DIAPH2: variants seen among roughly 807,000 people sequenced by gnomAD.
DIAPH2 encodes the protein diaphanous related formin 2.
A neutral mutation model predicts 92.7 loss-of-function variants in DIAPH2; 35 were observed. The ratio of observed to expected loss-of-function variants is 0.38; its 90% CI spans 0.29 to 0.50. The LOEUF (loss-of-function observed/expected upper bound fraction) is 0.50, where lower values mean the gene tolerates loss of function less well. Among genes scored for constraint, DIAPH2 ranks in the 20% least tolerant of loss-of-function variants. DIAPH2 has a pLI of 0.94. For synonymous variants in DIAPH2, 301 were observed against 280.4 expected, an observed-to-expected ratio of 1.07 and a Z score of -0.73; for missense variants, 701 against 819.5, an observed-to-expected ratio of 0.86 and a Z score of 1.77.
At chrX:97,086,042 T>A (rs2066780607) in intron 19 of DIAPH2, among the ~76,000 whole-genome samples, 1 of 111,521 alleles carries the variant, frequency 9.0e-6, no homozygotes, top group African/African-American at 3.3e-5. Context: ...AGCATATGGG[T>A]GAAAGCCAAT....
At chrX:96,816,974 A>C (rs764241862) in intron 4 of DIAPH2, among the ~76,000 whole-genome samples, 1 of 112,045 alleles carries the variant, frequency 8.9e-6, no homozygotes, top group South Asian at 3.8e-4. Flanking sequence ...AGCCAGGCAC[A>C]GATAGACAAA....
intron 24 of DIAPH2, among the ~76,000 whole-genome samples, chrX:97,371,259 A>T (rs1027370292): frequency 9.8e-5 from 11 of 111,704 alleles, no homozygotes; most frequent in African/African-American, 3.6e-4. Context: ...AAGTCCCAAC[A>T]GTTTTTCTCA....
At chrX:96,845,115 A>C (rs2064962711) in intron 4 of DIAPH2, among the ~76,000 whole-genome samples, 1 of 111,339 alleles carries the variant, frequency 9.0e-6, no homozygotes, top group Non-Finnish European at 1.9e-5. Context: ...TCCTGTCATA[A>C]ATTTCTCATT....
At chrX:97,433,634 C>G (rs751334912) in intron 26 of DIAPH2, among the ~76,000 whole-genome samples, 1 of 112,219 alleles carries the variant, frequency 8.9e-6, no homozygotes, top group East Asian at 2.8e-4. Context: ...AATATTAACC[C>G]AGATCACAAG....
At chrX:97,345,320 C>T (rs2069147428) in intron 23 of DIAPH2, among the ~76,000 whole-genome samples, 1 of 111,113 alleles carries the variant, frequency 9.0e-6, no homozygotes, top group Non-Finnish European at 1.9e-5. Context: ...AATGCTAATA[C>T]TTACGTAGCA....
chrX:97,087,207 G>A (rs949098677), intron 19 of DIAPH2, among the ~76,000 whole-genome samples: 6 of 111,857 alleles, frequency 5.4e-5, no homozygotes, highest in African/African-American at 1.9e-4. Context: ...TGAAAGGGTA[G>A]CTCAATTACT....
In DIAPH2 at chrX:97,525,569, C is replaced by T. The variant is rs147668735; in HGVS notation, c.3242-73684C>T. Among the ~76,000 whole-genome samples, 234 of 111,797 alleles carry T rather than the reference C, an allele frequency of 2.1e-3. 3 individuals are homozygous for T. In the East Asian group the frequency reaches 0.051, roughly 24 times the overall value. ...CATGTCTTATTTATCTTTGTAGATC[C>T]GGCATTAAGCATGTCATTGGGAACT... On this transcript the variant is annotated intron_variant, in intron 26 of 26. Transcript: ENST00000324765.
At chrX:96,895,345 C>A (rs1193220215) in intron 5 of DIAPH2, among the ~76,000 whole-genome samples, 1 of 111,008 alleles carries the variant, frequency 9.0e-6, no homozygotes, top group Non-Finnish European at 1.9e-5. Context: ...AGTTCTGAAT[C>A]ATATTGATAT....
At chrX:97,558,055 T>C (rs1014814046) in intron 26 of DIAPH2, among the ~76,000 whole-genome samples, 2 of 112,540 alleles carry the variant, frequency 1.8e-5, no homozygotes, top group African/African-American at 6.5e-5. Context: ...AGTCACTTTT[T>C]ATTTATTCAA....
intron 1 of DIAPH2, among the ~76,000 whole-genome samples, chrX:96,692,303 A>G (rs1351924080): frequency 8.9e-6 from 1 of 111,842 alleles, no homozygotes; most frequent in African/African-American, 3.3e-5. Context: ...TTTTACTCCT[A>G]CATACTGTCA....
intron 22 of DIAPH2, among the ~76,000 whole-genome samples, chrX:97,190,833 CA>C (rs34703572): frequency 0.37 from 26,617 of 72,234 alleles, 4,209 homozygotes; most frequent in East Asian, 0.51. Flanking sequence ...GACTCCATTT[CA>C]AAAAAAAAAA....
rs189617335 is a variant in DIAPH2 at position 97,129,581 on chromosome X, T to G, written c.2590-12084T>G. Reference sequence around the variant, plus strand: ...TCATATTCATGAGACTGGCAAAAAATGTTAAATTCTGTTAATATAAAGTAG... The same window carrying G: ...TCATATTCATGAGACTGGCAAAAAAGGTTAAATTCTGTTAATATAAAGTAG... On this transcript the variant is annotated intron_variant, in intron 21 of 26. Coordinates refer to ENST00000324765, the MANE Select transcript of DIAPH2 (RefSeq NM_006729.5). Among the ~76,000 whole-genome samples the G allele has an allele frequency of 5.9e-3, 657 of 111,419 alleles. 6 individuals carry two copies. Among genetic ancestry groups the G allele is most frequent in the African/African-American group, 0.021 (628 of 30,598 alleles).
chrX:96,800,985 T>A (rs1170112569), intron 4 of DIAPH2, among the ~76,000 whole-genome samples: 2 of 112,452 alleles, frequency 1.8e-5, no homozygotes, highest in East Asian at 5.6e-4. Flanking sequence ...TACAGAAGAT[T>A]AGTCATTCCC....
intron 26 of DIAPH2, among the ~76,000 whole-genome samples, chrX:97,552,726 A>G (rs2071229205): frequency 8.9e-6 from 1 of 112,085 alleles, no homozygotes; most frequent in South Asian, 3.7e-4. Flanking sequence ...ATAACTTTTA[A>G]GTCATAGAAC....
intron 23 of DIAPH2, among the ~76,000 whole-genome samples, chrX:97,320,765 G>A (rs767958019): frequency 9.2e-4 from 100 of 108,444 alleles, no homozygotes; most frequent in African/African-American, 3.1e-3. Flanking sequence ...TGCCTTGAAT[G>A]TAGGTTAAGC....
At chrX:96,860,828 A>G (rs932295857) in intron 4 of DIAPH2, among the ~76,000 whole-genome samples, 1 of 111,489 alleles carries the variant, frequency 9.0e-6, no homozygotes, top group Non-Finnish European at 1.9e-5. Context: ...CACGTGTCAT[A>G]TGATGTATGC....
At chrX:97,393,437 A>G (rs1337722704) in intron 25 of DIAPH2, among the ~76,000 whole-genome samples, 1 of 112,209 alleles carries the variant, frequency 8.9e-6, no homozygotes, top group Non-Finnish European at 1.9e-5. Context: ...AATAATTATA[A>G]TTAGAGCATG....
chrX:97,094,251 G>GAT (rs2066849347), intron 19 of DIAPH2, among the ~76,000 whole-genome samples: 1 of 111,723 alleles, frequency 9.0e-6, no homozygotes, highest in South Asian at 3.8e-4. Flanking sequence ...GCAGTGAGGT[G>GAT]ATATTGATCA....
chrX:96,799,014 T>C (rs1266879414), intron 4 of DIAPH2, among the ~76,000 whole-genome samples: 2 of 110,599 alleles, frequency 1.8e-5, no homozygotes, highest in Non-Finnish European at 3.8e-5. Context: ...CGGATTGATA[T>C]TCAGCCAGAC....
Sources: allele counts gnomAD v4.1 joint callset (sites outside exome capture counted in the v4.1 genomes callset), GRCh38; gene constraint gnomAD v4.1.1; transcripts MANE v1.5; gene names NCBI Gene and HGNC (gene_info 2026-07-23, HGNC 2026-07-21).